OR11A1: variants seen among roughly 807,000 people sequenced by gnomAD.
OR11A1 encodes the protein olfactory receptor family 11 subfamily A member 1.
For synonymous variants in OR11A1, 158 were observed against 152.2 expected (o/e 1.04, Z -0.28); for missense variants, 380 against 378.2 (o/e 1.00, Z -0.04).
At chr6:29,440,889 C>CGGAACA (rs1164429995) in intron 1 of OR11A1, 6 of 1,613,568 alleles carry the variant, frequency 3.7e-6, no homozygotes, top group Non-Finnish European at 5.1e-6. Context: ...CTACAGCCTG[C>CGGAACA]GGAACACAGA....
intron 1 of OR11A1, among the ~76,000 whole-genome samples, chr6:29,437,325 T>G (rs1017392891): frequency 2.3e-4 from 35 of 152,226 alleles, no homozygotes; most frequent in African/African-American, 8.4e-4. Flanking sequence ...TAAGAAAATG[T>G]GGCACATACA....
intron 1 of OR11A1, among the ~76,000 whole-genome samples, chr6:29,447,220 C>A (rs1311041932): frequency 2.0e-5 from 3 of 152,132 alleles, no homozygotes; most frequent in Non-Finnish European, 4.4e-5. Context: ...AACATAGAAA[C>A]CCTGACCATC....
At position 29,427,267 on chromosome 6, in the gene OR11A1, C is replaced by T. The variant is rs62408574; in HGVS notation, c.375G>A (p.Leu125=). 1 of 1,613,032 alleles carries T rather than the reference C, an allele frequency of 6.2e-7. No individual in the cohort carries two copies. The highest frequency in any genetic ancestry group is 1.1e-5 in the South Asian group (1 of 91,076). Residue 125 remains leucine (L), a synonymous_variant, in exon 5 of 5, where the codon CTG becomes CTA. Transcript: ENST00000377149. ...GGTAGTGGAGTGGGTAGCAAATTGC[C>T]AGGTAGCGGTCATATGCCATGACAG... ...LLAVMAYDRY[L]AICYPLHYPL...
chr6:29,428,277 A>G, intron 4 of OR11A1: 1 of 985,478 alleles, frequency 1.0e-6, no homozygotes, highest in Non-Finnish European at 1.2e-6. Context: ...TAGTAGTTTC[A>G]TCAAGTCATT....
chr6:29,442,751 C>T (rs1180403806), intron 1 of OR11A1, among the ~76,000 whole-genome samples: 1 of 152,256 alleles, frequency 6.6e-6, no homozygotes, highest in South Asian at 2.1e-4. Flanking sequence ...AACTACTGCT[C>T]TTCAATTGAA....
In OR11A1 at chr6:29,450,717, C is replaced by A. The variant is rs757438464; in HGVS notation, c.-389+6270G>T. Among the ~76,000 whole-genome samples, 1,005 of 152,166 alleles carry A rather than the reference C, an allele frequency of 6.6e-3. 8 individuals are homozygous for A. Among genetic ancestry groups the A allele is most frequent in the Middle Eastern group, 0.01 (3 of 294 alleles). On this transcript the variant is annotated intron_variant, in intron 1 of 4. Coordinates refer to ENST00000377149, the MANE Select transcript of OR11A1 (RefSeq NM_001394828.1). Reference sequence around the variant, plus strand: ...GCTGAAGGAAATCAGAGACAACACACACAAAAAATGGAAAAAACATTCCAT... The same window carrying A: ...GCTGAAGGAAATCAGAGACAACACAAACAAAAAATGGAAAAAACATTCCAT...
At position 29,426,530 on chromosome 6, in the gene OR11A1, A is replaced by G. The variant is rs1782815406; in HGVS notation, c.*164T>C. ...GCACATGTACCCTTGAACTTAAAATAAAAGTTAAAAAATTGTTGCCCTATC... is the reference window on the plus strand; with the variant it reads ...GCACATGTACCCTTGAACTTAAAATGAAAGTTAAAAAATTGTTGCCCTATC... On this transcript the variant is annotated 3_prime_UTR_variant, in exon 5 of 5. Transcript: ENST00000377149. 2 of 587,400 alleles carry G rather than the reference A, an allele frequency of 3.4e-6. No homozygotes were observed. The highest frequency in any genetic ancestry group is 1.9e-5 in the African/African-American group (1 of 53,916). 36.4% of individuals were successfully genotyped at this position (587,400 alleles called of 1,614,324 possible).
At position 29,432,432 on chromosome 6, in the gene OR11A1, C is replaced by T. The variant is rs570620753; in HGVS notation, c.-388-445G>A. On this transcript the variant is annotated intron_variant, in intron 1 of 4. Transcript: ENST00000377149. Reference sequence around the variant, plus strand: ...GATTTCTCTGCAACATCCCTAAATTCCCCATTACCAACAGTGGTCCTCCCA... The same window carrying T: ...GATTTCTCTGCAACATCCCTAAATTTCCCATTACCAACAGTGGTCCTCCCA... 4.6e-5 allele frequency among the ~76,000 whole-genome samples: 7 copies of T among 152,210 alleles called. No homozygotes were observed. The East Asian group carries it at 1.2e-3, about 25-fold the overall frequency.
intron 4 of OR11A1, among the ~76,000 whole-genome samples, 197 bp from the exon 5 acceptor site, chr6:29,427,929 T>C (rs896811199): frequency 6.6e-6 from 1 of 152,180 alleles, no homozygotes; most frequent in Non-Finnish European, 1.5e-5. Context: ...TCAAAGACCT[T>C]TACCCCATTA....
In OR11A1 at chr6:29,455,874, CAAAAA is replaced by C. The variant is rs9256960; in HGVS notation, c.-389+1108_-389+1112del. Among the ~76,000 whole-genome samples, 136 of 81,000 alleles carry C rather than the reference CAAAAA, an allele frequency of 1.7e-3. 1 individual carries two copies. The highest frequency in any genetic ancestry group is 6.7e-3 in the African/African-American group (130 of 19,280). 53.1% of individuals were successfully genotyped at this position (81,000 alleles called of 152,430 possible). A position where few individuals can be genotyped will look rare whatever the true frequency, so the allele number is the denominator to read the frequency against. On this transcript the variant is annotated intron_variant, in intron 1 of 4. Coordinates refer to ENST00000377149, the MANE Select transcript of OR11A1 (RefSeq NM_001394828.1). Reference sequence around the variant, plus strand: ...CTAGGAGACAGAATGAGACTTGTCTCAAAAAAAAAAAAAAAAAAAAGGAAATCCTG... The same window carrying C: ...CTAGGAGACAGAATGAGACTTGTCTCAAAAAAAAAAAAAAAGGAAATCCTG...
In OR11A1 at chr6:29,432,628, T is replaced by C. The variant is rs1478241526; in HGVS notation, c.-388-641A>G. 2.6e-5 allele frequency among the ~76,000 whole-genome samples: 4 copies of C among 152,184 alleles called. No individual in the cohort carries two copies. The South Asian group carries it at 8.3e-4, about 32-fold the overall frequency. Reference sequence around the variant, plus strand: ...AAGGAGAAGGAAGGTGGCGTGATGTTACAAAATGACGTTGAAATGGTTATG... The same window carrying C: ...AAGGAGAAGGAAGGTGGCGTGATGTCACAAAATGACGTTGAAATGGTTATG... On this transcript the variant is annotated intron_variant, in intron 1 of 4. Transcript: ENST00000377149.
At chr6:29,445,945 A>AT (rs981335125) in intron 1 of OR11A1, among the ~76,000 whole-genome samples, 3 of 152,132 alleles carry the variant, frequency 2.0e-5, no homozygotes, top group African/African-American at 7.2e-5. Context: ...CCACCAAGAA[A>AT]CAGGGGCTCT....
intron 1 of OR11A1, among the ~76,000 whole-genome samples, chr6:29,449,679 C>T (rs569479443): frequency 6.6e-6 from 1 of 152,134 alleles, no homozygotes; most frequent in Non-Finnish European, 1.5e-5. Context: ...CTCTGACTCC[C>T]AGGCTGGAGT....
At chr6:29,427,833 T>C (rs1469991250) in intron 4 of OR11A1, 101 bp from the exon 5 acceptor site, 1 of 834,012 alleles carries the variant, frequency 1.2e-6, no homozygotes, top group Admixed American at 3.0e-5. Flanking sequence ...CATTCCTTCC[T>C]CAACTCTCAT....
Position 29,453,253 on chromosome 6 carries a change from G to A in OR11A1, c.-389+3734C>T, listed in dbSNP as rs992503321. ...TTCACCAGATATGGTGAATTAAAGA[G>A]GACAGCAAATCCTTCCTTCCTCCAC... On this transcript the variant is annotated intron_variant, in intron 1 of 4. Transcript: ENST00000377149. The surrounding 1 kb of genome is among the most constrained non-coding windows in gnomAD (Gnocchi z 4.5). 6.6e-6 allele frequency among the ~76,000 whole-genome samples: 1 copy of A among 151,022 alleles called. No homozygotes were observed. The highest frequency in any genetic ancestry group is 1.9e-4 in the East Asian group (1 of 5,192).
intron 1 of OR11A1, chr6:29,440,766 T>C (rs1784100061): frequency 6.2e-7 from 1 of 1,613,964 alleles, no homozygotes; most frequent in Non-Finnish European, 8.5e-7. Flanking sequence ...CTCCCTCTTC[T>C]ATGGCACCGC....
intron 1 of OR11A1, among the ~76,000 whole-genome samples, chr6:29,438,489 T>C (rs1178097184): frequency 1.3e-5 from 2 of 152,114 alleles, no homozygotes; most frequent in Admixed American, 6.5e-5. Context: ...AAGGGTAAAA[T>C]TGCATTATTA....
At chr6:29,443,832 T>A (rs1284402810) in intron 1 of OR11A1, among the ~76,000 whole-genome samples, 1 of 152,320 alleles carries the variant, frequency 6.6e-6, no homozygotes, top group Middle Eastern at 3.4e-3. Context: ...ATCTAGTTTC[T>A]GGTCTCACTT....
intron 1 of OR11A1, among the ~76,000 whole-genome samples, chr6:29,451,981 A>C (rs115857266): frequency 1.4e-3 from 207 of 152,332 alleles, no homozygotes; most frequent in Non-Finnish European, 2.2e-3. Flanking sequence ...CTTATATACC[A>C]TGGAATACTA....
Sources: allele counts gnomAD v4.1 joint callset (sites outside exome capture counted in the v4.1 genomes callset), GRCh38; gene constraint gnomAD v4.1.1; non-coding constraint Gnocchi (gnomAD v3.1); transcripts MANE v1.5; gene names NCBI Gene and HGNC (gene_info 2026-07-23, HGNC 2026-07-21).